Variants in GRM5 observed in about 807,000 individuals in gnomAD.
GRM5 encodes glutamate metabotropic receptor 5, also known as metabotropic glutamate receptor 5.
A neutral mutation model predicts 83.1 loss-of-function variants in GRM5; 19 were observed. The ratio of observed to expected loss-of-function variants is 0.23; its 90% CI spans 0.16 to 0.34. GRM5 has a LOEUF of 0.34. Ranked by LOEUF, GRM5 falls within the 10% of genes least tolerant of loss-of-function variation. The pLI is 1.00. For missense variants in GRM5, 1,160 were observed against 1,588.3 expected (o/e 0.73, Z 4.58); for synonymous variants, 675 against 633.6 (o/e 1.07, Z -0.98).
At chr11:88,978,500 A>C (rs1323998002) in intron 2 of GRM5, among the ~76,000 whole-genome samples, 1 of 125,018 alleles carries the variant, frequency 8.0e-6, no homozygotes, top group Non-Finnish European at 1.6e-5. Context: ...AAAAAAAAAA[A>C]AAAAAAAAAA....
At chr11:88,591,635 T>G (rs1937641632) in intron 6 of GRM5, among the ~76,000 whole-genome samples, 1 of 152,238 alleles carries the variant, frequency 6.6e-6, no homozygotes, top group Non-Finnish European at 1.5e-5. Context: ...CTAACTCTAG[T>G]AATGACCTTT....
chr11:88,862,989 C>T (rs1258804062), intron 2 of GRM5, among the ~76,000 whole-genome samples: 1 of 152,086 alleles, frequency 6.6e-6, no homozygotes, highest in East Asian at 1.9e-4. Context: ...GATATTTATG[C>T]AGCCAACAAA....
At chr11:88,846,742 G>A (rs1352306351) in intron 3 of GRM5, among the ~76,000 whole-genome samples, 1 of 138,580 alleles carries the variant, frequency 7.2e-6, no homozygotes, top group Non-Finnish European at 1.6e-5. Context: ...TTGAATTGGG[G>A]AAGAGAAGGA....
chr11:88,622,665 A>G (rs1201547958), intron 4 of GRM5, among the ~76,000 whole-genome samples: 1 of 152,190 alleles, frequency 6.6e-6, no homozygotes, highest in African/African-American at 2.4e-5. Flanking sequence ...CATGATATAT[A>G]TGCATGTATT....
At chr11:88,560,106 G>T (rs193141529) in intron 8 of GRM5, among the ~76,000 whole-genome samples, 3 of 152,094 alleles carry the variant, frequency 2.0e-5, no homozygotes, top group Admixed American at 1.3e-4. Context: ...CAGGCAGGGG[G>T]TGGCCAGAAG....
chr11:88,851,587 G>T (rs1170569911), intron 2 of GRM5, among the ~76,000 whole-genome samples: 1 of 152,158 alleles, frequency 6.6e-6, no homozygotes, highest in Admixed American at 6.5e-5. Flanking sequence ...TGATAAAACT[G>T]AAGTTCAAAT....
intron 9 of GRM5, among the ~76,000 whole-genome samples, chr11:88,514,225 C>T (rs1236515003): frequency 6.6e-6 from 1 of 151,974 alleles, no homozygotes; most frequent in Non-Finnish European, 1.5e-5. Context: ...TAATTATTTG[C>T]TCTTTATTTC....
intron 2 of GRM5, among the ~76,000 whole-genome samples, chr11:88,986,021 G>C (rs1475217601): frequency 6.6e-6 from 1 of 151,972 alleles, no homozygotes; most frequent in African/African-American, 2.4e-5. Flanking sequence ...GCAATCCTGG[G>C]CATTTATCCT....
rs1266400201 is a variant in GRM5, at chr11:88,534,541, C to T, written c.2631-9137G>A. On this transcript the variant is annotated intron_variant, in intron 8 of 9. Coordinates refer to ENST00000305447, the MANE Select transcript of GRM5 (RefSeq NM_001143831.3). ...TGGCTGTATTTACCCAATTCCTGTA[C>T]ACCCGTTGTATCTAGGAAGTAACTA... 2.0e-5 allele frequency among the ~76,000 whole-genome samples: 3 copies of T among 152,216 alleles called. No individual in the cohort carries two copies. In the East Asian group the frequency reaches 5.8e-4, roughly 29 times the overall value.
intron 2 of GRM5, among the ~76,000 whole-genome samples, chr11:88,938,333 C>A (rs1937969874): frequency 6.6e-6 from 1 of 151,404 alleles, no homozygotes; most frequent in African/African-American, 2.4e-5. Context: ...TGTTTTAAAG[C>A]AATACATTGT....
intron 2 of GRM5, among the ~76,000 whole-genome samples, chr11:88,952,627 C>CT (rs11464730): frequency 0.97 from 145,105 of 149,042 alleles, 70,680 homozygotes; most frequent in Middle Eastern, 0.99. Context: ...AGAAAGAGAG[C>CT]TTTTTTTTTT....
At chr11:89,020,138 C>T (rs1049003570) in intron 2 of GRM5, among the ~76,000 whole-genome samples, 14 of 152,150 alleles carry the variant, frequency 9.2e-5, no homozygotes, top group Non-Finnish European at 1.9e-4. Flanking sequence ...TTTAATTTAA[C>T]CCACATAATT....
chr11:89,051,235 G>T (rs949547844), intron 1 of GRM5, among the ~76,000 whole-genome samples: 1 of 151,594 alleles, frequency 6.6e-6, no homozygotes, highest in African/African-American at 2.4e-5. Flanking sequence ...CAGCCTGGGC[G>T]GCAGAGAGAC....
chr11:88,776,421 C>T (rs544545283), intron 3 of GRM5, among the ~76,000 whole-genome samples: 109 of 152,204 alleles, frequency 7.2e-4, no homozygotes, highest in Middle Eastern at 3.4e-3. Context: ...TTAATTGGGG[C>T]ATTTAGACCA....
At chr11:88,735,164 T>A (rs78199400) in intron 3 of GRM5, among the ~76,000 whole-genome samples, 5,918 of 152,110 alleles carry the variant, frequency 0.039, 272 homozygotes, top group Admixed American at 0.15. Context: ...TAGTTTTATT[T>A]TTTTAAATGA....
intron 3 of GRM5, among the ~76,000 whole-genome samples, chr11:88,719,695 G>T (rs999584853): frequency 1.3e-5 from 2 of 152,002 alleles, no homozygotes; most frequent in African/African-American, 2.4e-5. Context: ...GTGTATAAGG[G>T]TTCCCTTTTC....
In GRM5 at chr11:88,509,111, C is replaced by A; in HGVS notation, c.3120G>T (p.Pro1040=). 5 of 1,546,874 alleles carry A rather than the reference C, an allele frequency of 3.2e-6. No homozygotes were observed. Among genetic ancestry groups the A allele is most frequent in the Non-Finnish European group, 3.5e-6 (4 of 1,146,176 alleles). The change falls in exon 10 of 10, where the codon CCG becomes CCT. Residue 1040 remains proline, a synonymous_variant. Transcript: ENST00000305447. ...GCGCCACAGGCTCCGAGTGCAGCGACGGCACATCGTCGTCCGTGCGGCTGG... is the reference window on the plus strand; with the variant it reads ...GCGCCACAGGCTCCGAGTGCAGCGAAGGCACATCGTCGTCCGTGCGGCTGG... ...GSASRTDDDV[P]SLHSEPVARS... is the part of the protein sequence containing the mutation.
At chr11:88,576,317 T>A (rs1316624017) in intron 7 of GRM5, among the ~76,000 whole-genome samples, 1 of 152,194 alleles carries the variant, frequency 6.6e-6, no homozygotes, top group Non-Finnish European at 1.5e-5. Flanking sequence ...CCTGTACCCG[T>A]CATAGCACTT....
intron 3 of GRM5, among the ~76,000 whole-genome samples, chr11:88,783,810 T>C (rs1943018275): frequency 6.6e-6 from 1 of 152,030 alleles, no homozygotes; most frequent in Non-Finnish European, 1.5e-5. Flanking sequence ...TGAAAATGAA[T>C]GAAAATACCT....
Sources: gnomAD v4.1 joint callset for allele counts (sites outside exome capture counted in the v4.1 genomes callset) on GRCh38, gnomAD v4.1.1 for gene constraint, MANE v1.5 for transcripts, NCBI Gene and HGNC (gene_info 2026-07-23, HGNC 2026-07-21) for gene names.